Variants in MTRF1L observed in about 807,000 individuals in gnomAD.
The protein encoded by MTRF1L is mitochondrial translation release factor 1 like, also known as peptide chain release factor 1-like, mitochondrial.
A neutral mutation model predicts 40.0 loss-of-function variants in MTRF1L; 29 were observed. The ratio of observed to expected loss-of-function variants is 0.73; its 90% CI spans 0.54 to 0.99. The LOEUF is 0.99. MTRF1L is among the 50% of genes least tolerant of loss of function. MTRF1L has a pLI of 0.00. For missense variants in MTRF1L, 412 were observed against 464.5 expected, an observed-to-expected ratio of 0.89 and a Z score of 1.04; for synonymous variants, 150 against 175.8, an observed-to-expected ratio of 0.85 and a Z score of 1.16.
intron 1 of MTRF1L, 41 bp downstream of exon 1, chr6:153,002,386 A>G (rs760017766): frequency 5.0e-5 from 80 of 1,613,730 alleles, no homozygotes; most frequent in Non-Finnish European, 6.7e-5. Context: ...CGAAGAGTCA[A>G]GAATGTGCTC....
chr6:152,994,685 TA>T lies in MTRF1L; in HGVS notation c.524-10del, dbSNP rs1216252807. ...TGCATGTCTAAGGCCACCTTGAAAA[TA>T]CAGGGAAATAGAATTATTTTTATTA... On this transcript the variant is annotated splice_polypyrimidine_tract_variant and intron_variant, in intron 3 of 6. Transcript: ENST00000367233. The T allele has an allele frequency of 1.2e-5, 19 of 1,613,910 alleles. No individual in the cohort carries two copies. The highest frequency in any genetic ancestry group is 1.6e-5 in the Non-Finnish European group (19 of 1,179,920).
rs369536178 is a variant in MTRF1L, at chr6:152,995,325, A to G, written c.340-6T>C. 40 of 1,561,512 alleles carry G rather than the reference A, an allele frequency of 2.6e-5. No homozygotes were observed. In the African/African-American group the frequency reaches 5.3e-4, roughly 21 times the overall value. On this transcript the variant is annotated splice_region_variant and splice_polypyrimidine_tract_variant and intron_variant, in intron 2 of 6. Transcript: ENST00000367233. ...GGAACCAAAAGTAAGATAATCTGTAAATATAAAAATATCACCCCTCCTATA... is the reference window on the plus strand; with the variant it reads ...GGAACCAAAAGTAAGATAATCTGTAGATATAAAAATATCACCCCTCCTATA...
chr6:152,998,423 A>T, intron 2 of MTRF1L, 127 bp downstream of exon 2: 2 of 611,288 alleles, frequency 3.3e-6, no homozygotes, highest in Non-Finnish European at 2.5e-6. Flanking sequence ...TAAATCTAGA[A>T]AATAAATTTA....
At chr6:152,993,116 AG>A (rs1414158621) in intron 4 of MTRF1L, 142 bp from the exon 5 acceptor site, 5 of 651,674 alleles carry the variant, frequency 7.7e-6, no homozygotes, top group African/African-American at 1.8e-5. Flanking sequence ...AGTAGCTAGA[AG>A]GATACCATTT....
intron 1 of MTRF1L, among the ~76,000 whole-genome samples, chr6:153,001,992 G>T (rs1562306428): frequency 6.6e-6 from 1 of 152,042 alleles, no homozygotes; most frequent in Non-Finnish European, 1.5e-5. Context: ...TCTATACTTA[G>T]GCCATACTGA....
At chr6:152,998,454 A>G (rs1778794203) in intron 2 of MTRF1L, 96 bp downstream of exon 2, 2 of 889,400 alleles carry the variant, frequency 2.2e-6, no homozygotes, top group Non-Finnish European at 3.2e-6. Flanking sequence ...TTTATTCTAA[A>G]CAGTAACAAG....
At position 152,994,901 on chromosome 6, in the gene MTRF1L, T is replaced by G. The variant is rs1313296254; in HGVS notation, c.524-225A>C. ...CTAATCAGTTGACATCAGTAACACATCTAAGACTACTTTTAAAGACTGTTA... is the reference window on the plus strand; with the variant it reads ...CTAATCAGTTGACATCAGTAACACAGCTAAGACTACTTTTAAAGACTGTTA... On this transcript the variant is annotated intron_variant, in intron 3 of 6. Transcript: ENST00000367233. 7.1e-6 allele frequency: 5 copies of G among 707,858 alleles called. No homozygotes were observed. The South Asian group carries it at 8.0e-5, about 11-fold the overall frequency. 43.8% of individuals were successfully genotyped at this position (707,858 alleles called of 1,614,324 possible).
rs1385104934 is a variant in MTRF1L at position 152,995,326 on chromosome 6, A to C, written c.340-7T>G. The C allele has an allele frequency of 1.3e-6, 2 of 1,561,826 alleles. No homozygotes were observed. The highest frequency in any genetic ancestry group is 2.8e-5 in the African/African-American group (2 of 72,178). On this transcript the variant is annotated splice_region_variant and splice_polypyrimidine_tract_variant and intron_variant, in intron 2 of 6. Coordinates refer to ENST00000367233, the MANE Select transcript of MTRF1L (RefSeq NM_019041.7). ...GAACCAAAAGTAAGATAATCTGTAA[A>C]TATAAAAATATCACCCCTCCTATAA...
rs142095989 is a variant in MTRF1L, at chr6:152,999,694, C to T, written c.260-1065G>A. On this transcript the variant is annotated intron_variant, in intron 1 of 6. Transcript: ENST00000367233. ...TCTGATGGTTTTATAAAGAAGAGTT[C>T]CCCTGCACAAGTTATCTCTCTTGTC... 5.1e-3 allele frequency among the ~76,000 whole-genome samples: 783 copies of T among 152,270 alleles called. 10 individuals carry two copies. Among genetic ancestry groups the T allele is most frequent in the Middle Eastern group, 0.02 (6 of 294 alleles).
intron 2 of MTRF1L, among the ~76,000 whole-genome samples, chr6:152,997,814 A>G (rs1429857102): frequency 1.3e-5 from 2 of 152,138 alleles, no homozygotes; most frequent in Non-Finnish European, 2.9e-5. Flanking sequence ...TGGGAAATCC[A>G]TAGGCACTCA....
At position 152,996,785 on chromosome 6, in the gene MTRF1L, C is replaced by T. The variant is rs927748031; in HGVS notation, c.340-1466G>A. Reference sequence around the variant, plus strand: ...AATCCAATTCTTAAAATCGTGAGGGCTTACTCTAGGTCTGGTATTCCAAAT... The same window carrying T: ...AATCCAATTCTTAAAATCGTGAGGGTTTACTCTAGGTCTGGTATTCCAAAT... On this transcript the variant is annotated intron_variant, in intron 2 of 6. Coordinates refer to ENST00000367233, the MANE Select transcript of MTRF1L (RefSeq NM_019041.7). 2.0e-5 allele frequency among the ~76,000 whole-genome samples: 3 copies of T among 152,272 alleles called. No individual in the cohort carries two copies. The South Asian group carries it at 6.2e-4, about 32-fold the overall frequency.
chr6:152,998,057 T>TTA (rs957103441), intron 2 of MTRF1L, among the ~76,000 whole-genome samples: 4 of 151,470 alleles, frequency 2.6e-5, no homozygotes, highest in Admixed American at 6.6e-5. Flanking sequence ...AAATTAAAGT[T>TTA]TATATATATA....
intron 1 of MTRF1L, 137 bp downstream of exon 1, chr6:153,002,290 G>T: frequency 7.6e-7 from 1 of 1,313,126 alleles, no homozygotes; most frequent in Non-Finnish European, 1.1e-6. Flanking sequence ...ACGTAATGAT[G>T]TCCTGACCTC....
chr6:153,001,115 G>A (rs553406933), intron 1 of MTRF1L, among the ~76,000 whole-genome samples: 3 of 152,026 alleles, frequency 2.0e-5, no homozygotes, highest in Non-Finnish European at 4.4e-5. Context: ...TCAAGTGATC[G>A]GCCCACCTGA....
In MTRF1L at chr6:152,994,661, G is replaced by A; in HGVS notation, c.539C>T (p.Ala180Val). The change falls in exon 4 of 7, where the codon GCA becomes GTA. Residue 180 changes from alanine to valine, a missense_variant. Physicochemically the swap from Ala to Val is moderately conservative, Grantham distance 64. Transcript: ENST00000367233. ...FPSELGGLRH[A>V]SASIGGSEAY... is the part of the protein sequence containing the mutation. ...TTCTGAACCCCCAATGCTGGCAGATGCATGTCTAAGGCCACCTTGAAAATA... is the reference window on the plus strand; with the variant it reads ...TTCTGAACCCCCAATGCTGGCAGATACATGTCTAAGGCCACCTTGAAAATA... 6.2e-7 allele frequency: 1 copy of A among 1,614,060 alleles called. No homozygotes were observed. The highest frequency in any genetic ancestry group is 8.5e-7 in the Non-Finnish European group (1 of 1,179,990).
chr6:152,991,973 C>T (rs1294775913), intron 5 of MTRF1L, among the ~76,000 whole-genome samples: 2 of 152,144 alleles, frequency 1.3e-5, no homozygotes, highest in Non-Finnish European at 2.9e-5. Flanking sequence ...ATAGAAACTA[C>T]GATACATGAA....
At chr6:152,991,493 G>C (rs1778515003) in intron 5 of MTRF1L, 172 bp from the exon 6 acceptor site, 1 of 707,182 alleles carries the variant, frequency 1.4e-6, no homozygotes, top group Admixed American at 4.2e-5. Context: ...GAGTTTATCA[G>C]AAAACTGAAA....
At chr6:152,999,974 A>G (rs759734914) in intron 1 of MTRF1L, among the ~76,000 whole-genome samples, 66 of 152,372 alleles carry the variant, frequency 4.3e-4, no homozygotes, top group Non-Finnish European at 8.5e-4. Context: ...GAGAATAACA[A>G]CAGCAAAACT....
chr6:152,996,097 T>C (rs1252416446), intron 2 of MTRF1L, among the ~76,000 whole-genome samples: 4 of 152,208 alleles, frequency 2.6e-5, no homozygotes, highest in Non-Finnish European at 4.4e-5. Flanking sequence ...ACTGTAATTC[T>C]TAAAACAATC....
Sources: gnomAD v4.1 joint callset for allele counts (sites outside exome capture counted in the v4.1 genomes callset) on GRCh38, gnomAD v4.1.1 for gene constraint, MANE v1.5 for transcripts, NCBI Gene and HGNC (gene_info 2026-07-23, HGNC 2026-07-21) for gene names.